The following ATXN7L1 variants were observed in gnomAD, a reference collection of about 807,000 sequenced individuals.
ATXN7L1 encodes ataxin-7-like protein 1.
A neutral mutation model predicts 70.8 loss-of-function variants in ATXN7L1; 15 were observed. The observed-to-expected ratio is 0.21, with a 90% CI of 0.14 to 0.33. The LOEUF (loss-of-function observed/expected upper bound fraction) is 0.33. Ranked by LOEUF, ATXN7L1 falls within the 10% of genes least tolerant of loss-of-function variation. ATXN7L1 has a pLI of 1.00. For missense variants in ATXN7L1, 975 were observed against 1,097.1 expected, an observed-to-expected ratio of 0.89 and a Z score of 1.57; for synonymous variants, 440 against 445.1, an observed-to-expected ratio of 0.99 and a Z score of 0.14.
chr7:105,813,073 T>C (rs1231090375), intron 2 of ATXN7L1, among the ~76,000 whole-genome samples: 1 of 152,240 alleles, frequency 6.6e-6, no homozygotes, highest in Non-Finnish European at 1.5e-5. Flanking sequence ...TTGCTCTGAC[T>C]TCTCCACAGA....
At chr7:105,833,817 G>T (rs960439266) in intron 2 of ATXN7L1, among the ~76,000 whole-genome samples, 1 of 152,094 alleles carries the variant, frequency 6.6e-6, no homozygotes. Context: ...TGAAGAAGAG[G>T]GGGTATAGAT....
intron 3 of ATXN7L1, among the ~76,000 whole-genome samples, chr7:105,695,968 G>T (rs989210201): frequency 7.9e-5 from 12 of 152,164 alleles, no homozygotes; most frequent in African/African-American, 7.2e-5. Context: ...GGAAGTGAAG[G>T]CTTGGGGGGC....
intron 3 of ATXN7L1, among the ~76,000 whole-genome samples, chr7:105,700,508 C>CAAAAAAAAAA (rs1186998293): frequency 2.0e-5 from 1 of 49,808 alleles, no homozygotes. Context: ...GACTCTGTCT[C>CAAAAAAAAAA]AAAAAAAAAA....
intron 3 of ATXN7L1, among the ~76,000 whole-genome samples, chr7:105,693,499 A>G (rs1240484984): frequency 6.6e-6 from 1 of 152,046 alleles, no homozygotes; most frequent in Admixed American, 6.6e-5. Context: ...CCGAGTGAGA[A>G]ATTTTAAATT....
chr7:105,671,909 AAAAAAAG>A, intron 3 of ATXN7L1, among the ~76,000 whole-genome samples: 1 of 151,166 alleles, frequency 6.6e-6, no homozygotes. Context: ...AAAAAAAAAA[AAAAAAAG>A]AATTTTTTTT....
intron 2 of ATXN7L1, among the ~76,000 whole-genome samples, chr7:105,795,465 G>A (rs1161378709): frequency 6.6e-6 from 1 of 152,200 alleles, no homozygotes; most frequent in Non-Finnish European, 1.5e-5. Flanking sequence ...TGGGAAGACA[G>A]CTGGTTTTGT....
At chr7:105,691,258 G>A (rs1790776350) in intron 3 of ATXN7L1, among the ~76,000 whole-genome samples, 1 of 152,070 alleles carries the variant, frequency 6.6e-6, no homozygotes, top group Non-Finnish European at 1.5e-5. Context: ...CAGAGGAAAT[G>A]GCATCATTAC....
At chr7:105,853,848 G>A (rs1815278441) in intron 2 of ATXN7L1, among the ~76,000 whole-genome samples, 2 of 152,120 alleles carry the variant, frequency 1.3e-5, no homozygotes, top group African/African-American at 4.8e-5. Context: ...GGGCGGTAGG[G>A]AACAACAGCA....
intron 3 of ATXN7L1, among the ~76,000 whole-genome samples, chr7:105,733,557 CCCATCCATCCTT>C (rs1563048659): frequency 3.7e-4 from 8 of 21,878 alleles, no homozygotes; most frequent in African/African-American, 1.6e-3. Context: ...CATCCATCCA[CCCATCCATCCTT>C]CCATCCATCC....
intron 2 of ATXN7L1, among the ~76,000 whole-genome samples, chr7:105,830,358 A>G (rs1380353570): frequency 6.6e-6 from 1 of 152,270 alleles, no homozygotes; most frequent in Non-Finnish European, 1.5e-5. Flanking sequence ...AACAACAAAG[A>G]CAACGGTTTT....
intron 3 of ATXN7L1, among the ~76,000 whole-genome samples, chr7:105,763,835 GT>G (rs1018611397): frequency 1.8e-4 from 26 of 148,316 alleles, no homozygotes; most frequent in Admixed American, 9.4e-4. Flanking sequence ...GCAAAATGTA[GT>G]TTTTTTTTTG....
At chr7:105,786,694 T>C (rs1277219099) in intron 3 of ATXN7L1, among the ~76,000 whole-genome samples, 1 of 151,966 alleles carries the variant, frequency 6.6e-6, no homozygotes, top group African/African-American at 2.4e-5. Context: ...AAATTTTTTT[T>C]TTAAGAAATG....
At chr7:105,641,444 A>G (rs537332999) in intron 5 of ATXN7L1, among the ~76,000 whole-genome samples, 1 of 151,724 alleles carries the variant, frequency 6.6e-6, no homozygotes, top group Non-Finnish European at 1.5e-5. Flanking sequence ...GCCAAATGTG[A>G]AAGTGAGGCA....
chr7:105,722,888 G>GAAATAAAATA (rs140633734), intron 3 of ATXN7L1, among the ~76,000 whole-genome samples: 12 of 151,490 alleles, frequency 7.9e-5, no homozygotes, highest in Non-Finnish European at 1.5e-4. Flanking sequence ...CCGGCTCAAA[G>GAAATAAAATA]AAATAAAATA....
chr7:105,671,530 C>G (rs1803682240), intron 3 of ATXN7L1, among the ~76,000 whole-genome samples: 1 of 152,110 alleles, frequency 6.6e-6, no homozygotes, highest in Non-Finnish European at 1.5e-5. Context: ...CAATAACAAC[C>G]TCAGTGAATG....
chr7:105,808,133 T>C (rs1218406754), intron 2 of ATXN7L1, among the ~76,000 whole-genome samples: 2 of 152,174 alleles, frequency 1.3e-5, no homozygotes, highest in African/African-American at 4.8e-5. Context: ...GGCCTTTATA[T>C]ACCTTCTCCC....
intron 3 of ATXN7L1, among the ~76,000 whole-genome samples, chr7:105,764,012 C>T (rs1329392759): frequency 6.6e-6 from 1 of 152,012 alleles, no homozygotes; most frequent in Non-Finnish European, 1.5e-5. Flanking sequence ...CGCCACCATG[C>T]CCAGCTAATT....
intron 3 of ATXN7L1, among the ~76,000 whole-genome samples, chr7:105,748,018 C>G (rs1377216528): frequency 1.3e-5 from 2 of 151,574 alleles, no homozygotes; most frequent in Admixed American, 6.6e-5. Context: ...ACTGAGGAGC[C>G]TGAGGCAGGG....
At position 105,850,914 on chromosome 7, in the gene ATXN7L1, C is replaced by A. The variant is rs145932845; in HGVS notation, c.250+24898G>T. Among the ~76,000 whole-genome samples the A allele has an allele frequency of 5.0e-4, 76 of 152,218 alleles. 1 individual carries two copies. Among genetic ancestry groups the A allele is most frequent in the African/African-American group, 1.6e-3 (65 of 41,530 alleles). On this transcript the variant is annotated intron_variant, in intron 2 of 11. Transcript: ENST00000419735. ...CAAAAGGGGCAGAAAGCCATCTCTG[C>A]CCCCAGGATATGTCACTTCAGTTCT... is the stretch of plus-strand genomic sequence containing the variant.
Sources: gnomAD v4.1 joint callset for allele counts (sites outside exome capture counted in the v4.1 genomes callset) on GRCh38, gnomAD v4.1.1 for gene constraint, MANE v1.5 for transcripts, NCBI Gene and HGNC (gene_info 2026-07-23, HGNC 2026-07-21) for gene names.